The following COMP variants were observed in gnomAD, a reference collection of about 807,000 sequenced individuals.
COMP encodes the protein cartilage oligomeric matrix protein, also known as cartilage oligomeric matrix protein (pseudoachondroplasia, epiphyseal dysplasia 1, multiple).
A neutral mutation model predicts 95.8 loss-of-function variants in COMP; 79 were observed. That is an observed-to-expected ratio of 0.82 (90% CI 0.69 to 0.99). COMP has a LOEUF of 0.99. Ranked by LOEUF, COMP falls within the 50% of genes least tolerant of loss-of-function variation. The pLI, the probability that COMP is intolerant of heterozygous loss-of-function variation, is 0.00. For missense variants in COMP, 906 were observed against 1,076.1 expected (o/e 0.84, Z 2.21); for synonymous variants, 438 against 433.9 (o/e 1.01, Z -0.12).
Position 18,789,963 on chromosome 19 carries a change from C to A in COMP, c.369G>T (p.Ser123=), listed in dbSNP as rs771322380. The stretch of plus-strand genomic sequence containing the variant: ...GCACCTCGTTGACGTCGGTGCAGTG[C>A]GAGCCGTTGCCCGTGAAGCCCGCGG... The part of the protein sequence containing the change: ...PCPAGFTGNG[S]HCTDVNECNA... The change falls in exon 4 of 19, where the codon TCG becomes TCT. Residue 123 remains serine, a synonymous_variant. Coordinates refer to ENST00000222271, the MANE Select transcript of COMP (RefSeq NM_000095.3). The surrounding 1 kb of genome is among the most constrained non-coding windows in gnomAD (Gnocchi z 6.1). 1 of 1,592,430 alleles carries A rather than the reference C, an allele frequency of 6.3e-7. No homozygotes were observed. Among genetic ancestry groups the A allele is most frequent in the Non-Finnish European group, 8.5e-7 (1 of 1,177,494 alleles).
At chr19:18,787,440 C>T (rs1398625430) in intron 10 of COMP, 51 bp downstream of exon 10, 1 of 1,602,554 alleles carries the variant, frequency 6.2e-7, no homozygotes, top group African/African-American at 1.3e-5. Flanking sequence ...CCGAATCCCG[C>T]CCTTCGGTGC....
intron 11 of COMP, 89 bp from the exon 12 acceptor site, chr19:18,786,380 C>T: frequency 6.3e-7 from 1 of 1,598,488 alleles, no homozygotes; most frequent in Non-Finnish European, 8.6e-7. Flanking sequence ...CAAGGTCCTC[C>T]TGACCCCAAG....
At position 18,784,075 on chromosome 19, in the gene COMP, C is replaced by T; in HGVS notation, c.2087+116G>A. 1 of 1,201,068 alleles carries T rather than the reference C, an allele frequency of 8.3e-7. No individual in the cohort carries two copies. 74.4% of individuals were successfully genotyped at this position (1,201,068 alleles called of 1,614,324 possible). On this transcript the variant is annotated intron_variant, in intron 17 of 18. Transcript: ENST00000222271. This position sits in a 1 kb window ranked among gnomAD's most constrained non-coding sequence, Gnocchi z 4.9. ...TAGGCTCATTCTAACTGCCCTGTAT[C>T]TTTCCTATCGTACAGATGAGGGGAC...
At chr19:18,787,864 C>CTCTTTCTTTCTT (rs1555791611) in intron 9 of COMP, among the ~76,000 whole-genome samples, 2 of 108,830 alleles carry the variant, frequency 1.8e-5, no homozygotes, top group Non-Finnish European at 3.7e-5. Flanking sequence ...TTTTCTTTTT[C>CTCTTTCTTTCTT]TCTTTCTTTC....
chr19:18,785,526 T>G lies in COMP; in HGVS notation c.1689A>C (p.Thr563=). 6.2e-7 allele frequency: 1 copy of G among 1,613,976 alleles called. No individual in the cohort carries two copies. Among genetic ancestry groups the G allele is most frequent in the Non-Finnish European group, 8.5e-7 (1 of 1,180,012 alleles). ...VLNQGREIVQ[T]MNSDPGLAVG... Reference sequence around the variant, plus strand: ...CAGCCAGGCCTGGGTCGCTGTTCATTGTCTGCACGATCTCCCTTCCCTGAT... The same window carrying G: ...CAGCCAGGCCTGGGTCGCTGTTCATGGTCTGCACGATCTCCCTTCCCTGAT... Residue 563 remains threonine (T), a synonymous_variant, in exon 15 of 19, where the codon ACA becomes ACC. Coordinates refer to ENST00000222271, the MANE Select transcript of COMP (RefSeq NM_000095.3).
In COMP at chr19:18,790,019, T is replaced by C. The variant is rs1463474729; in HGVS notation, c.313A>G (p.Thr105Ala). Residue 105 changes from threonine (T) to alanine (A), a missense_variant, in exon 4 of 19, where the codon ACG (threonine) becomes GCG (alanine). Thr to Ala is a moderately conservative substitution (Grantham distance 58). Coordinates refer to ENST00000222271, the MANE Select transcript of COMP (RefSeq NM_000095.3). ...GGGCCGCAGCGCGCGCCGCTCTCCG[T>C]CTGGATGCAGGCCACGCCGGGGAAG... The part of the protein sequence containing the change: ...FCFPGVACIQ[T>A]ESGARCGPCP... 1.3e-6 allele frequency: 2 copies of C among 1,585,000 alleles called. No homozygotes were observed. Among genetic ancestry groups the C allele is most frequent in the Non-Finnish European group, 1.7e-6 (2 of 1,172,408 alleles).
intron 10 of COMP, 113 bp from the exon 11 acceptor site, chr19:18,786,763 CTTTTTTTTTTTTTTT>C (rs10577504): frequency 0.028 from 7,762 of 282,064 alleles, 4 homozygotes; most frequent in East Asian, 0.055. Flanking sequence ...TTCATGGAAG[CTTTTTTTTTTTTTTT>C]TTTTTTTTTT....
At chr19:18,790,539 C>T (rs1347909668) in intron 3 of COMP, 23 bp downstream of exon 3, 1 of 1,613,510 alleles carries the variant, frequency 6.2e-7, no homozygotes, top group Non-Finnish European at 8.5e-7. Context: ...TCTTCTCTCT[C>T]CCGACCGCCC....
At position 18,788,508 on chromosome 19, in the gene COMP, C is replaced by A; in HGVS notation, c.769G>T (p.Val257Phe). 6.2e-7 allele frequency: 1 copy of A among 1,604,510 alleles called. No homozygotes were observed. The highest frequency in any genetic ancestry group is 8.5e-7 in the Non-Finnish European group (1 of 1,176,122). ...AGGATCCCGTTGCCGGCCCAGCCAA[C>A]GGCACACTGTGGGAGAGTGTAAGTG... ...RDGSRSCVCA[V>F]GWAGNGILCG... The change falls in exon 8 of 19, where the codon GTT becomes TTT. Residue 257 changes from valine (V) to phenylalanine (F), a missense_variant. By Grantham distance (50) the Val-to-Phe change is conservative (BLOSUM62 -1). Coordinates refer to ENST00000222271, the MANE Select transcript of COMP (RefSeq NM_000095.3). This position sits in a 1 kb window ranked among gnomAD's most constrained non-coding sequence, Gnocchi z 4.7.
intron 3 of COMP, 28 bp from the exon 4 acceptor site, chr19:18,790,142 G>A (rs750821619): frequency 6.7e-6 from 10 of 1,499,076 alleles, no homozygotes; most frequent in South Asian, 3.8e-5. Context: ...GAGAAGCGGC[G>A]GGGCTGATCG....
Position 18,791,264 on chromosome 19 carries a change from G to T in COMP, c.6C>A (p.Val2=), listed in dbSNP as rs1320286296. Residue 2 remains valine (V), a synonymous_variant, in exon 1 of 19, where the codon GTC becomes GTA. Coordinates refer to ENST00000222271, the MANE Select transcript of COMP (RefSeq NM_000095.3). ...GCAGAAGAACGCAGGCGGTGTCGGG[G>T]ACCATGGCGGTGGCGGGGAGCTGGG... The part of the protein sequence containing the change: M[V]PDTACVLLLT... The T allele has an allele frequency of 1.3e-6, 2 of 1,594,890 alleles. No homozygotes were observed. The highest frequency in any genetic ancestry group is 1.7e-6 in the Non-Finnish European group (2 of 1,172,736).
In COMP at chr19:18,782,974, G is replaced by T; in HGVS notation, c.2228-13C>A. ...TCTGGGATGGTGTCTGCAGGGAGAG[G>T]GCAGGCGGGTGAGGGCTGAGAAGGC... is the stretch of plus-strand genomic sequence containing the variant. On this transcript the variant is annotated splice_polypyrimidine_tract_variant and intron_variant, in intron 18 of 18. Transcript: ENST00000222271. 6.2e-7 allele frequency: 1 copy of T among 1,612,658 alleles called. No individual in the cohort carries two copies. The highest frequency in any genetic ancestry group is 8.5e-7 in the Non-Finnish European group (1 of 1,179,990).
chr19:18,785,217 G>A, intron 15 of COMP, 125 bp from the exon 16 acceptor site: 4 of 1,010,654 alleles, frequency 4.0e-6, no homozygotes, highest in Non-Finnish European at 6.0e-6. Flanking sequence ...ATTCCCACTC[G>A]CAGAGCCCGG....
In COMP at chr19:18,788,400, C is replaced by G. The variant is rs759573255; in HGVS notation, c.867+10G>C. 1.2e-6 allele frequency: 2 copies of G among 1,607,338 alleles called. No homozygotes were observed. Among genetic ancestry groups the G allele is most frequent in the East Asian group, 4.5e-5 (2 of 44,706 alleles). On this transcript the variant is annotated intron_variant, in intron 8 of 18. Coordinates refer to ENST00000222271, the MANE Select transcript of COMP (RefSeq NM_000095.3). The surrounding 1 kb of genome is among the most constrained non-coding windows in gnomAD (Gnocchi z 4.7). The stretch of plus-strand genomic sequence containing the variant: ...CCTGCCCAAGCCCGCCCCGCTCCGC[C>G]CCCACCCACCTTACGGCACTGGCGC...
At position 18,785,751 on chromosome 19, in the gene COMP, G is replaced by T. The variant is rs759687021; in HGVS notation, c.1590C>A (p.Asp530Glu). 4.3e-5 allele frequency: 69 copies of T among 1,613,392 alleles called. No homozygotes were observed. Among genetic ancestry groups the T allele is most frequent in the Non-Finnish European group, 9.3e-6 (11 of 1,180,046 alleles). The change falls in exon 14 of 19, where the codon GAC (aspartate) becomes GAA (glutamate). Residue 530 changes from aspartate to glutamate, a missense_variant. Coordinates refer to ENST00000222271, the MANE Select transcript of COMP (RefSeq NM_000095.3). ...CPENAEVTLT[D>E]FRAFQTVVLD... Reference sequence around the variant, plus strand: ...GCACGACTGTCTGGAAGGCCCTGAAGTCGGTGAGCGTGACTTCAGCGTTCT... The same window carrying T: ...GCACGACTGTCTGGAAGGCCCTGAATTCGGTGAGCGTGACTTCAGCGTTCT...
At chr19:18,791,086 TACGA>T in intron 1 of COMP, 101 bp downstream of exon 1, 2 of 1,507,598 alleles carry the variant, frequency 1.3e-6, no homozygotes, top group Middle Eastern at 1.7e-4. Flanking sequence ...GCACGTCCCC[TACGA>T]ACAGTCCGTG....
intron 15 of COMP, 152 bp from the exon 16 acceptor site, chr19:18,785,244 C>T (rs994743473): frequency 2.2e-6 from 2 of 924,196 alleles, no homozygotes; most frequent in Admixed American, 2.0e-5. Flanking sequence ...CCACGCCCCC[C>T]ATCTACCATT....
Position 18,782,905 on chromosome 19 carries a change from A to G in COMP, c.*10T>C. 6.2e-7 allele frequency: 1 copy of G among 1,610,466 alleles called. No individual in the cohort carries two copies. Among genetic ancestry groups the G allele is most frequent in the Non-Finnish European group, 8.5e-7 (1 of 1,179,868 alleles). ...GGTGGCTGTCATCCGGCGGGTCCTC[A>G]CCCTGGTCCCTAGGCTTGCCGCAGC... On this transcript the variant is annotated 3_prime_UTR_variant, in exon 19 of 19. Coordinates refer to ENST00000222271, the MANE Select transcript of COMP (RefSeq NM_000095.3).
rs1224528574 is a variant in COMP at position 18,785,020 on chromosome 19, G to T, written c.1790C>A (p.Ala597Glu). 1 of 1,613,928 alleles carries T rather than the reference G, an allele frequency of 6.2e-7. No individual in the cohort carries two copies. The highest frequency in any genetic ancestry group is 1.3e-5 in the African/African-American group (1 of 74,870). Reference protein sequence around the residue: ...HVNTVTDDDYAGFIFGYQDSS... With the variant: ...HVNTVTDDDYEGFIFGYQDSS... ...GTCCTGGTAGCCAAAGATGAAGCCC[G>T]CATAGTCGTCATCCGTGACCGTGTT... The change falls in exon 16 of 19, where the codon GCG becomes GAG. Residue 597 changes from alanine to glutamate, a missense_variant. Ala to Glu is a moderately radical substitution (Grantham distance 107). Transcript: ENST00000222271.
Sources: gnomAD v4.1 joint callset for allele counts (sites outside exome capture counted in the v4.1 genomes callset) on GRCh38, gnomAD v4.1.1 for gene constraint, Gnocchi (gnomAD v3.1) non-coding constraint, MANE v1.5 for transcripts, NCBI Gene and HGNC (gene_info 2026-07-23, HGNC 2026-07-21) for gene names.